The following DDX24 variants were observed in gnomAD, a reference collection of about 807,000 sequenced individuals.
DDX24 encodes DEAD-box helicase 24, also known as ATP-dependent RNA helicase DDX24.
Under a neutral mutation model 68.9 loss-of-function variants are expected in DDX24, and 24 were observed. The ratio of observed to expected loss-of-function variants is 0.35; its 90% CI spans 0.25 to 0.49. DDX24 has a LOEUF of 0.49. Among genes scored for constraint, DDX24 ranks in the 20% least tolerant of loss-of-function variants. The pLI is 0.99. For missense variants in DDX24, 989 were observed against 1,039.0 expected (o/e 0.95, Z 0.66); for synonymous variants, 395 against 385.2 (o/e 1.03, Z -0.30).
intron 6 of DDX24, 199 bp from the exon 7 acceptor site, chr14:94,055,383 AG>A (rs1885474228): frequency 1.7e-6 from 1 of 586,472 alleles, no homozygotes; most frequent in African/African-American, 1.9e-5. Flanking sequence ...TTCACTGTGT[AG>A]GCTCTTCCCT....
At chr14:94,078,065 CA>C (rs1885981916) in intron 2 of DDX24, among the ~76,000 whole-genome samples, 1 of 151,198 alleles carries the variant, frequency 6.6e-6, no homozygotes, top group South Asian at 2.1e-4. Flanking sequence ...AAACACTGTA[CA>C]GACTTTTCTT....
chr14:94,078,890 C>T, intron 2 of DDX24, 135 bp downstream of exon 2: 1 of 982,194 alleles, frequency 1.0e-6, no homozygotes, highest in Non-Finnish European at 1.5e-6. Flanking sequence ...GAGGGGCTGA[C>T]TTCTAAACAC....
At chr14:94,065,596 C>A (rs559662419) in intron 2 of DDX24, among the ~76,000 whole-genome samples, 1 of 152,164 alleles carries the variant, frequency 6.6e-6, no homozygotes, top group Admixed American at 6.5e-5. Flanking sequence ...CAAGAACAAA[C>A]CAGTAATCCT....
intron 5 of DDX24, among the ~76,000 whole-genome samples, chr14:94,059,529 C>T (rs2141425006): frequency 6.6e-6 from 1 of 152,332 alleles, no homozygotes; most frequent in Admixed American, 6.5e-5. Flanking sequence ...TTAAAGCTAA[C>T]ATTTAGCAAT....
chr14:94,055,980 C>T (rs560892473), intron 6 of DDX24: 2 of 152,212 alleles, frequency 1.3e-5, no homozygotes, highest in Admixed American at 6.5e-5. Context: ...TAGAAGTTAC[C>T]TCTCTCTTCC....
At chr14:94,056,168 C>A (rs1343054339) in intron 6 of DDX24, 1 of 152,172 alleles carries the variant, frequency 6.6e-6, no homozygotes, top group African/African-American at 2.4e-5. Context: ...ATTTGCTAAA[C>A]CAAAATTAGC....
rs78067232 is a variant in DDX24 at position 94,049,995 on chromosome 14, G to A, written c.*1196C>T. On this transcript the variant is annotated 3_prime_UTR_variant, in exon 9 of 9. Coordinates refer to ENST00000621632, the MANE Select transcript of DDX24 (RefSeq NM_020414.4). ...GAGAGAGGCTAGCTACTTAGATCTT[G>A]GGGTATCTTGGTCCCTTTGTGTATC... is the stretch of plus-strand genomic sequence containing the variant. The A allele has an allele frequency of 6.6e-6, 1 of 152,218 alleles. No homozygotes were observed. The highest frequency in any genetic ancestry group is 1.9e-4 in the East Asian group (1 of 5,206). 9.4% of individuals were successfully genotyped at this position (152,218 alleles called of 1,614,324 possible). A position where few individuals can be genotyped will look rare whatever the true frequency, so the allele number is the denominator to read the frequency against.
At chr14:94,066,205 A>G (rs1023098005) in intron 2 of DDX24, among the ~76,000 whole-genome samples, 3 of 152,088 alleles carry the variant, frequency 2.0e-5, no homozygotes, top group African/African-American at 4.8e-5. Context: ...GAGCTGGGTG[A>G]GGCCCATGAC....
rs985946515 is a variant in DDX24, at chr14:94,079,399, T to C, written c.344A>G (p.Gln115Arg). The stretch of plus-strand genomic sequence containing the variant: ...AGGATCTTTCACTTCAAATTCTTTC[T>C]GGGTACTGGTTCCTTCAGTTGCTAC... ...KNVATEGTST[Q>R]KEFEVKDPEL... The change falls in exon 2 of 9, where the codon CAG (glutamine) becomes CGG (arginine). Residue 115 changes from glutamine (Q) to arginine (R), a missense_variant. Around this residue, in one of 3 missense-constraint regions of DDX24, gnomAD observed 295 missense variants for 263.0 expected, o/e 1.12. Coordinates refer to ENST00000621632, the MANE Select transcript of DDX24 (RefSeq NM_020414.4). 1.2e-6 allele frequency: 2 copies of C among 1,614,008 alleles called. No individual in the cohort carries two copies. The highest frequency in any genetic ancestry group is 1.7e-6 in the Non-Finnish European group (2 of 1,180,042).
intron 2 of DDX24, among the ~76,000 whole-genome samples, chr14:94,077,994 T>C (rs1567062913): frequency 6.6e-6 from 1 of 152,104 alleles, no homozygotes; most frequent in East Asian, 1.9e-4. Flanking sequence ...TAACCGTGGG[T>C]TCTGCATCTG....
chr14:94,055,373 T>A, intron 6 of DDX24, 189 bp from the exon 7 acceptor site: 1 of 618,802 alleles, frequency 1.6e-6, no homozygotes, highest in Non-Finnish European at 2.8e-6. Flanking sequence ...GTTTAGCCCA[T>A]TCACTGTGTA....
At chr14:94,069,692 C>A (rs573708420) in intron 2 of DDX24, among the ~76,000 whole-genome samples, 1 of 152,140 alleles carries the variant, frequency 6.6e-6, no homozygotes, top group African/African-American at 2.4e-5. Context: ...GCCAGGGATG[C>A]AGGGATGGTT....
intron 5 of DDX24, among the ~76,000 whole-genome samples, chr14:94,059,866 G>A (rs1464659469): frequency 6.6e-6 from 1 of 151,472 alleles, no homozygotes; most frequent in African/African-American, 2.4e-5. Context: ...ATTATGTATT[G>A]TCACCTATAT....
At chr14:94,071,143 G>A (rs1885818643) in intron 2 of DDX24, among the ~76,000 whole-genome samples, 1 of 151,758 alleles carries the variant, frequency 6.6e-6, no homozygotes, top group South Asian at 2.1e-4. Flanking sequence ...AGAATCTACA[G>A]CAAACTCAAA....
At chr14:94,070,392 G>A (rs568481004) in intron 2 of DDX24, among the ~76,000 whole-genome samples, 13 of 152,248 alleles carry the variant, frequency 8.5e-5, no homozygotes, top group South Asian at 2.1e-4. Flanking sequence ...CACATCCCAC[G>A]CTCATGGATG....
At chr14:94,063,913 CA>C (rs1885646047) in intron 2 of DDX24, among the ~76,000 whole-genome samples, 1 of 151,828 alleles carries the variant, frequency 6.6e-6, no homozygotes. Flanking sequence ...TAAAAACAAA[CA>C]AAAAAACAAA....
At chr14:94,053,943 T>G (rs1885443347) in intron 7 of DDX24, among the ~76,000 whole-genome samples, 1 of 152,242 alleles carries the variant, frequency 6.6e-6, no homozygotes, top group African/African-American at 2.4e-5. Context: ...TGGGCAACCA[T>G]TACCCGTCTG....
chr14:94,077,933 TAGTAA>T (rs1183767129), intron 2 of DDX24, among the ~76,000 whole-genome samples: 1 of 152,092 alleles, frequency 6.6e-6, no homozygotes, highest in Non-Finnish European at 1.5e-5. Flanking sequence ...ATGTGACTCC[TAGTAA>T]ATTTTAAATT....
intron 2 of DDX24, among the ~76,000 whole-genome samples, chr14:94,065,825 A>G (rs7150481): frequency 0.5 from 75,521 of 152,054 alleles, 19,622 homozygotes; most frequent in African/African-American, 0.65. Flanking sequence ...CAGGGGTAGA[A>G]GAAGCAGCAG....
Sources: gnomAD v4.1 joint callset for allele counts (sites outside exome capture counted in the v4.1 genomes callset) on GRCh38, gnomAD v4.1.1 for gene constraint, gnomAD v4.1.1 regional missense constraint, MANE v1.5 for transcripts, NCBI Gene and HGNC (gene_info 2026-07-23, HGNC 2026-07-21) for gene names.